The following KIAA0232 variants were observed in gnomAD, a reference collection of about 807,000 sequenced individuals.
KIAA0232 encodes KIAA0232, also known as uncharacterized protein KIAA0232.
Under a neutral mutation model 122.0 loss-of-function variants are expected in KIAA0232, and 27 were observed. The ratio of observed to expected loss-of-function variants is 0.22; its 90% CI spans 0.16 to 0.31. The LOEUF (loss-of-function observed/expected upper bound fraction) is 0.31, where lower values mean the gene tolerates loss of function less well. KIAA0232 is among the 10% of genes least tolerant of loss of function. KIAA0232 has a pLI of 1.00. For missense variants in KIAA0232, 1,551 were observed against 1,634.2 expected, an observed-to-expected ratio of 0.95 and a Z score of 0.88; for synonymous variants, 613 against 587.6, an observed-to-expected ratio of 1.04 and a Z score of -0.63.
chr4:6,866,906 T>C (rs1232133618), intron 7 of KIAA0232, among the ~76,000 whole-genome samples: 1 of 152,192 alleles, frequency 6.6e-6, no homozygotes, highest in East Asian at 1.9e-4. Flanking sequence ...AATTTATTCA[T>C]ATGGTTCAAA....
chr4:6,789,280 T>C (rs998021764), intron 1 of KIAA0232, among the ~76,000 whole-genome samples: 19 of 148,506 alleles, frequency 1.3e-4, no homozygotes, highest in African/African-American at 4.2e-4. Flanking sequence ...CTTTTCTTTT[T>C]TTTTTTTTCC....
At position 6,881,442 on chromosome 4, in the gene KIAA0232, G is replaced by T. The variant is rs1222090457; in HGVS notation, c.*476G>T. On this transcript the variant is annotated 3_prime_UTR_variant, in exon 10 of 10. Coordinates refer to ENST00000307659, the MANE Select transcript of KIAA0232 (RefSeq NM_014743.3). ...AGTGGCTTGATGCCTTTCTGAAGGC[G>T]AGAGGGAAGCCTGGGTGACTCAGCG... 6.6e-6 allele frequency: 1 copy of T among 152,548 alleles called. No homozygotes were observed. The highest frequency in any genetic ancestry group is 2.1e-4 in the South Asian group (1 of 4,828). 9.4% of individuals were successfully genotyped at this position (152,548 alleles called of 1,614,324 possible).
At chr4:6,788,744 A>T (rs907943346) in intron 1 of KIAA0232, among the ~76,000 whole-genome samples, 1 of 152,252 alleles carries the variant, frequency 6.6e-6, no homozygotes, top group Non-Finnish European at 1.5e-5. Flanking sequence ...TAGAGTTGGA[A>T]TAACTTTGTA....
chr4:6,786,454 C>T (rs961047264), intron 1 of KIAA0232, among the ~76,000 whole-genome samples: 2 of 152,064 alleles, frequency 1.3e-5, no homozygotes, highest in Non-Finnish European at 2.9e-5. Context: ...GGGCATGCAC[C>T]ACCATGCTCA....
At chr4:6,859,470 T>A (rs1229766594) in intron 6 of KIAA0232, among the ~76,000 whole-genome samples, 1 of 152,182 alleles carries the variant, frequency 6.6e-6, no homozygotes, top group African/African-American at 2.4e-5. Flanking sequence ...AGTGGACAAT[T>A]CTCATTGGAT....
intron 2 of KIAA0232, among the ~76,000 whole-genome samples, chr4:6,805,795 T>G (rs1389198437): frequency 6.6e-6 from 1 of 152,184 alleles, no homozygotes; most frequent in Non-Finnish European, 1.5e-5. Context: ...AAATTACTTA[T>G]TTTAGTTTTT....
intron 2 of KIAA0232, among the ~76,000 whole-genome samples, chr4:6,814,134 G>A (rs756962704): frequency 6.6e-6 from 1 of 152,142 alleles, no homozygotes; most frequent in East Asian, 1.9e-4. Flanking sequence ...TGGGGATAAC[G>A]TAGTTTAAAT....
At chr4:6,837,904 C>G (rs1392863760) in intron 3 of KIAA0232, among the ~76,000 whole-genome samples, 2 of 149,126 alleles carry the variant, frequency 1.3e-5, no homozygotes, top group Admixed American at 6.7e-5. Flanking sequence ...GGAGACCGTG[C>G]AAAGGGGAGA....
intron 7 of KIAA0232, among the ~76,000 whole-genome samples, chr4:6,866,528 C>G (rs530374197): frequency 6.6e-6 from 1 of 152,286 alleles, no homozygotes; most frequent in South Asian, 2.1e-4. Context: ...TGTTCTGTCA[C>G]ATTGCTTGGT....
chr4:6,812,073 T>C (rs1052058700), intron 2 of KIAA0232, among the ~76,000 whole-genome samples: 6 of 152,112 alleles, frequency 3.9e-5, no homozygotes, highest in African/African-American at 1.4e-4. Context: ...TCTGGGCACA[T>C]TGTGTTATTT....
At position 6,880,918 on chromosome 4, in the gene KIAA0232, G is replaced by A; in HGVS notation, c.4140G>A (p.Glu1380=). 1.2e-6 allele frequency: 2 copies of A among 1,604,556 alleles called. No individual in the cohort carries two copies. Among genetic ancestry groups the A allele is most frequent in the Non-Finnish European group, 1.7e-6 (2 of 1,174,792 alleles). Residue 1380 remains glutamate, a synonymous_variant, in exon 10 of 10, where the codon GAG becomes GAA. Transcript: ENST00000307659. The part of the protein sequence containing the change: ...SEETGSEGGG[E]WVGPSEEELF... ...AGACAGGCTCAGAAGGCGGAGGCGA[G>A]TGGGTGGGCCCTAGTGAAGAGGAGC... is the stretch of plus-strand genomic sequence containing the variant.
chr4:6,841,161 G>A (rs1479740450), intron 3 of KIAA0232, among the ~76,000 whole-genome samples: 1 of 152,094 alleles, frequency 6.6e-6, no homozygotes, highest in Non-Finnish European at 1.5e-5. Flanking sequence ...ATAATGTCAG[G>A]CTGCTTCATA....
At position 6,824,374 on chromosome 4, in the gene KIAA0232, T is replaced by C; in HGVS notation, c.-80T>C. 1 of 1,168,784 alleles carries C rather than the reference T, an allele frequency of 8.6e-7. No homozygotes were observed. The allele number at this position is 1,168,784 out of a possible 1,614,324, so 72.4% of individuals were successfully genotyped here. On this transcript the variant is annotated 5_prime_UTR_variant, in exon 3 of 10. An upstream open reading frame in the 5' UTR loses its in-frame stop. Coordinates refer to ENST00000307659, the MANE Select transcript of KIAA0232 (RefSeq NM_014743.3). Reference sequence around the variant, plus strand: ...CAAGCATCTCTACTTTTTACTGGAGTGAAAATCCCCTCCAGATACCAACAG... The same window carrying C: ...CAAGCATCTCTACTTTTTACTGGAGCGAAAATCCCCTCCAGATACCAACAG...
chr4:6,848,797 A>G (rs875630), intron 4 of KIAA0232, among the ~76,000 whole-genome samples: 114,236 of 152,152 alleles, frequency 0.75, 43,863 homozygotes, highest in Non-Finnish European at 0.85. Context: ...TGAATACATT[A>G]TGTACATTGC....
chr4:6,799,129 A>G (rs953154531), intron 1 of KIAA0232, among the ~76,000 whole-genome samples: 18 of 151,928 alleles, frequency 1.2e-4, no homozygotes, highest in African/African-American at 4.1e-4. Context: ...GGTTATTGGC[A>G]ATACTTGGCA....
intron 4 of KIAA0232, among the ~76,000 whole-genome samples, chr4:6,847,032 G>A (rs1720001598): frequency 6.6e-6 from 1 of 151,920 alleles, no homozygotes; most frequent in African/African-American, 2.4e-5. Flanking sequence ...TTATAATCTA[G>A]TAGATTAAAA....
At chr4:6,806,583 A>T (rs904776380) in intron 2 of KIAA0232, among the ~76,000 whole-genome samples, 5 of 151,682 alleles carry the variant, frequency 3.3e-5, no homozygotes, top group African/African-American at 1.2e-4. Flanking sequence ...AAATACAAAA[A>T]ATTAGCCGGG....
intron 1 of KIAA0232, among the ~76,000 whole-genome samples, chr4:6,797,974 C>T (rs1717208374): frequency 6.6e-6 from 1 of 150,606 alleles, no homozygotes; most frequent in South Asian, 2.1e-4. Context: ...AGGAGAATGG[C>T]ATGAACCCGA....
intron 4 of KIAA0232, among the ~76,000 whole-genome samples, chr4:6,847,161 G>A (rs187348304): frequency 9.0e-5 from 11 of 122,132 alleles, no homozygotes; most frequent in African/African-American, 2.9e-4. Context: ...TTCTCATTAT[G>A]TGTGTGGCTA....
Sources: gnomAD v4.1 joint callset for allele counts (sites outside exome capture counted in the v4.1 genomes callset) on GRCh38, gnomAD v4.1.1 for gene constraint, MANE v1.5 for transcripts, NCBI Gene and HGNC (gene_info 2026-07-23, HGNC 2026-07-21) for gene names.